The following GRM5 variants were observed in gnomAD, a reference collection of about 807,000 sequenced individuals.
GRM5 encodes the protein metabotropic glutamate receptor 5.
GRM5 carries 19 observed loss-of-function variants against 83.1 expected under a neutral mutation model. That is an observed-to-expected ratio of 0.23 (90% CI 0.16 to 0.34). GRM5 has a LOEUF of 0.34. Among genes scored for constraint, GRM5 ranks in the 10% least tolerant of loss-of-function variants. GRM5 has a pLI of 1.00. For synonymous variants in GRM5, 675 were observed against 633.6 expected, an observed-to-expected ratio of 1.07 and a Z score of -0.98; for missense variants, 1,160 against 1,588.3, an observed-to-expected ratio of 0.73 and a Z score of 4.58.
chr11:88,774,989 T>C (rs1042706267), intron 3 of GRM5, among the ~76,000 whole-genome samples: 3 of 152,176 alleles, frequency 2.0e-5, no homozygotes, highest in Non-Finnish European at 4.4e-5. Context: ...GGATTCCCTC[T>C]TTTTCTATTG....
chr11:88,719,184 C>T (rs948528621), intron 3 of GRM5, among the ~76,000 whole-genome samples: 17 of 151,774 alleles, frequency 1.1e-4, no homozygotes, highest in African/African-American at 3.9e-4. Flanking sequence ...GCCTGATACC[C>T]ATTAGTTATT....
chr11:88,973,602 G>A (rs375857955), intron 2 of GRM5, among the ~76,000 whole-genome samples: 2 of 152,116 alleles, frequency 1.3e-5, no homozygotes, highest in Non-Finnish European at 2.9e-5. Context: ...CTCTGGAGGA[G>A]ACCCCCATCC....
At chr11:88,950,478 C>A (rs1358126656) in intron 2 of GRM5, among the ~76,000 whole-genome samples, 1 of 151,208 alleles carries the variant, frequency 6.6e-6, no homozygotes, top group Non-Finnish European at 1.5e-5. Context: ...CTCAGAAATA[C>A]CTTCTTAAAT....
intron 2 of GRM5, among the ~76,000 whole-genome samples, chr11:88,982,257 T>C (rs1201475264): frequency 6.6e-6 from 1 of 152,218 alleles, no homozygotes; most frequent in East Asian, 1.9e-4. Flanking sequence ...GCAATAGAAT[T>C]TCTTCTAGCC....
At chr11:88,771,674 T>C (rs923508252) in intron 3 of GRM5, among the ~76,000 whole-genome samples, 3 of 152,142 alleles carry the variant, frequency 2.0e-5, no homozygotes, top group Non-Finnish European at 4.4e-5. Flanking sequence ...CTCACAGACA[T>C]ACCCAGAAAC....
rs573668684 is a variant in GRM5, at chr11:88,808,820, G to T, written c.911+41086C>A. On this transcript the variant is annotated intron_variant, in intron 3 of 9. Transcript: ENST00000305447. ...TTCCATGTTCATGAATACTAATAATGTACCTCGAAATATGATCCCTTAACA... is the reference window on the plus strand; with the variant it reads ...TTCCATGTTCATGAATACTAATAATTTACCTCGAAATATGATCCCTTAACA... Among the ~76,000 whole-genome samples, 3 of 152,018 alleles carry T rather than the reference G, an allele frequency of 2.0e-5. No individual in the cohort carries two copies. The South Asian group carries it at 6.2e-4, about 31-fold the overall frequency.
intron 3 of GRM5, among the ~76,000 whole-genome samples, chr11:88,847,326 G>A (rs1238492714): frequency 6.6e-6 from 1 of 152,122 alleles, no homozygotes; most frequent in Admixed American, 6.5e-5. Flanking sequence ...TTTATTTCAA[G>A]CACTTTTACA....
At chr11:88,746,691 A>G (rs1415340471) in intron 3 of GRM5, among the ~76,000 whole-genome samples, 1 of 152,108 alleles carries the variant, frequency 6.6e-6, no homozygotes, top group African/African-American at 2.4e-5. Context: ...TGAGTTTCTG[A>G]CTTCTTGCTA....
rs182394434 is a variant in GRM5, at chr11:88,892,733, C to T, written c.662-42578G>A. Among the ~76,000 whole-genome samples, 333 of 152,052 alleles carry T rather than the reference C, an allele frequency of 2.2e-3. 1 individual carries two copies. Among genetic ancestry groups the T allele is most frequent in the African/African-American group, 7.8e-3 (325 of 41,502 alleles). ...TTTTTACCTACATTTTAGACTAACC[C>T]TGCTTATTTCTGTGAATCAAGTGGT... is the stretch of plus-strand genomic sequence containing the variant. On this transcript the variant is annotated intron_variant, in intron 2 of 9. Coordinates refer to ENST00000305447, the MANE Select transcript of GRM5 (RefSeq NM_001143831.3).
At chr11:88,974,131 A>G (rs532302342) in intron 2 of GRM5, among the ~76,000 whole-genome samples, 7 of 152,278 alleles carry the variant, frequency 4.6e-5, no homozygotes, top group African/African-American at 1.7e-4. Flanking sequence ...GAATAGAGAA[A>G]GATGATAAAG....
intron 4 of GRM5, among the ~76,000 whole-genome samples, chr11:88,606,731 AC>A (rs1938152738): frequency 6.6e-6 from 1 of 152,096 alleles, no homozygotes; most frequent in Non-Finnish European, 1.5e-5. Context: ...GATCCCAATG[AC>A]AGAAGAAAAT....
intron 4 of GRM5, among the ~76,000 whole-genome samples, chr11:88,646,790 G>T (rs148587131): frequency 0.01 from 1,569 of 151,526 alleles, 29 homozygotes; most frequent in African/African-American, 0.034. Context: ...GGTGTCATCA[G>T]CTTCTTTTGT....
Position 88,546,869 on chromosome 11 carries a change from G to T in GRM5, c.2630+20184C>A, listed in dbSNP as rs115950222. 5.3e-3 allele frequency among the ~76,000 whole-genome samples: 801 copies of T among 152,120 alleles called. 10 individuals carry two copies. Among genetic ancestry groups the T allele is most frequent in the African/African-American group, 0.018 (768 of 41,514 alleles). The stretch of plus-strand genomic sequence containing the variant: ...GAGAAGCATAAGGTTAAATTGAAAA[G>T]GTAAGAAGAGCAAGCTGAAGATACT... On this transcript the variant is annotated intron_variant, in intron 8 of 9. Coordinates refer to ENST00000305447, the MANE Select transcript of GRM5 (RefSeq NM_001143831.3).
intron 3 of GRM5, among the ~76,000 whole-genome samples, chr11:88,715,513 CCTCCCTGGATTATT>C (rs1473345845): frequency 6.6e-6 from 1 of 151,934 alleles, no homozygotes; most frequent in East Asian, 1.9e-4. Flanking sequence ...GAGCTGCTGA[CCTCCCTGGATTATT>C]CTACAACGAA....
chr11:88,701,906 T>C (rs1249248843), intron 3 of GRM5, among the ~76,000 whole-genome samples: 1 of 152,116 alleles, frequency 6.6e-6, no homozygotes, highest in African/African-American at 2.4e-5. Context: ...CATACTTAGG[T>C]AATGTTTATA....
At chr11:88,853,726 C>A (rs2135544112) in intron 2 of GRM5, among the ~76,000 whole-genome samples, 2 of 151,394 alleles carry the variant, frequency 1.3e-5, no homozygotes, top group Admixed American at 6.6e-5. Context: ...AACTAGCATA[C>A]TTAAAAGTCA....
chr11:88,795,945 T>C (rs1457329267), intron 3 of GRM5, among the ~76,000 whole-genome samples: 1 of 152,192 alleles, frequency 6.6e-6, no homozygotes, highest in East Asian at 1.9e-4. Context: ...ATCTGGATTG[T>C]TACTTATTTA....
At chr11:88,943,054 T>C (rs1221766651) in intron 2 of GRM5, among the ~76,000 whole-genome samples, 2 of 152,050 alleles carry the variant, frequency 1.3e-5, no homozygotes, top group Non-Finnish European at 2.9e-5. Flanking sequence ...ACATTATTGC[T>C]GTTGTTATTA....
chr11:88,927,985 C>G (rs2135641353), intron 2 of GRM5, among the ~76,000 whole-genome samples: 1 of 152,172 alleles, frequency 6.6e-6, no homozygotes, highest in East Asian at 1.9e-4. Context: ...GTAGCCCACC[C>G]TGTCCTTGGT....
Sources: gnomAD v4.1 joint callset for allele counts (sites outside exome capture counted in the v4.1 genomes callset) on GRCh38, gnomAD v4.1.1 for gene constraint, MANE v1.5 for transcripts, NCBI Gene and HGNC (gene_info 2026-07-23, HGNC 2026-07-21) for gene names.